The following SNRK variants were observed in gnomAD, a reference collection of about 807,000 sequenced individuals.
The protein encoded by SNRK is SNF related kinase, also known as SNF-related serine/threonine-protein kinase.
In SNRK, 3 loss-of-function variants were observed where a neutral mutation model predicts 48.2. The ratio of observed to expected loss-of-function variants is 0.06; its 90% CI spans 0.03 to 0.16. SNRK has a LOEUF of 0.16. SNRK is among the 10% of genes least tolerant of loss of function. SNRK has a pLI of 1.00. For missense variants in SNRK, 627 were observed against 976.0 expected (o/e 0.64, Z 4.76); for synonymous variants, 376 against 366.1 (o/e 1.03, Z -0.31).
At chr3:43,326,719 C>A (rs2091099426) in intron 3 of SNRK, among the ~76,000 whole-genome samples, 2 of 152,076 alleles carry the variant, frequency 1.3e-5, no homozygotes, top group South Asian at 4.1e-4. Context: ...TAAGTTTAGA[C>A]TGTACCCACC....
At position 43,348,465 on chromosome 3, in the gene SNRK, T is replaced by C; in HGVS notation, c.2206T>C (p.Cys736Arg). The C allele has an allele frequency of 6.2e-7, 1 of 1,608,740 alleles. No individual in the cohort carries two copies. Among genetic ancestry groups the C allele is most frequent in the Non-Finnish European group, 8.5e-7 (1 of 1,177,654 alleles). The change falls in exon 7 of 7, where the codon TGC becomes CGC. Residue 736 changes from cysteine to arginine, a missense_variant. Transcript: ENST00000296088. ...AAATAACGTGCTGCAGCTACCTCTG[T>C]GCGAAAAGACCATCTCTGTGAACAT... ...LKNNVLQLPL[C>R]EKTISVNIQR...
At position 43,296,196 on chromosome 3, in the gene SNRK, G is replaced by T. The variant is rs577438693; in HGVS notation, c.-168-3558G>T. On this transcript the variant is annotated intron_variant, in intron 1 of 6. Coordinates refer to ENST00000296088, the MANE Select transcript of SNRK (RefSeq NM_017719.5). ...AAAATTTTAGCAGTAAAATCAGGTT[G>T]GTAATATCATTGAGAGAGTGTTAAT... Among the ~76,000 whole-genome samples, 4 of 151,836 alleles carry T rather than the reference G, an allele frequency of 2.6e-5. No homozygotes were observed. The East Asian group carries it at 7.7e-4, about 29-fold the overall frequency.
Position 43,350,944 on chromosome 3 carries a change from A to G in SNRK, c.*2387A>G, listed in dbSNP as rs1431817530. ...CAATCTTGACACCAATTTTAAGAAT[A>G]GCTGTGAGACCGAATTAAAGATAAT... On this transcript the variant is annotated 3_prime_UTR_variant, in exon 7 of 7. Coordinates refer to ENST00000296088, the MANE Select transcript of SNRK (RefSeq NM_017719.5). 2 of 152,788 alleles carry G rather than the reference A, an allele frequency of 1.3e-5. No homozygotes were observed. The highest frequency in any genetic ancestry group is 4.8e-5 in the African/African-American group (2 of 41,590). The allele number at this position is 152,788 out of a possible 1,614,324, so 9.5% of individuals were successfully genotyped here. A position where few individuals can be genotyped will look rare whatever the true frequency, so the allele number is the denominator to read the frequency against.
chr3:43,318,224 G>A (rs1219409452), intron 3 of SNRK, among the ~76,000 whole-genome samples: 1 of 152,102 alleles, frequency 6.6e-6, no homozygotes, highest in Non-Finnish European at 1.5e-5. Flanking sequence ...GGGCAGGCCT[G>A]GGACCTTTGC....
At chr3:43,345,208 G>C (rs2091266584) in intron 6 of SNRK, among the ~76,000 whole-genome samples, 1 of 152,198 alleles carries the variant, frequency 6.6e-6, no homozygotes. Context: ...CTATGGCACA[G>C]GGCCCACTGG....
Position 43,347,624 on chromosome 3 carries a change from C to T in SNRK, c.1365C>T (p.Asp455=). The change falls in exon 7 of 7, where the codon GAC becomes GAT. Residue 455 remains aspartate, a synonymous_variant. Transcript: ENST00000296088. This position sits in a 1 kb window ranked among gnomAD's most constrained non-coding sequence, Gnocchi z 5.4. The stretch of plus-strand genomic sequence containing the variant: ...AAGATGAAGAGGAAGATGAGGAGGA[C>T]AAGAAACCCATGTCCCTCTCAACAC... The part of the protein sequence containing the change: ...VEEDEEEDEE[D]KKPMSLSTQV... 3 of 1,613,920 alleles carry T rather than the reference C, an allele frequency of 1.9e-6. No individual in the cohort carries two copies. Among genetic ancestry groups the T allele is most frequent in the Non-Finnish European group, 2.5e-6 (3 of 1,180,024 alleles).
Position 43,348,304 on chromosome 3 carries a change from A to C in SNRK, c.2045A>C (p.Lys682Thr), listed in dbSNP as rs909657099. 1.2e-5 allele frequency: 19 copies of C among 1,613,920 alleles called. No individual in the cohort carries two copies. The highest frequency in any genetic ancestry group is 1.5e-5 in the Non-Finnish European group (18 of 1,179,896). Residue 682 changes from lysine to threonine, a missense_variant, in exon 7 of 7, where the codon AAA (lysine) becomes ACA (threonine). Around this residue, in one of 4 missense-constraint regions of SNRK, gnomAD observed 207 missense variants for 234.3 expected, o/e 0.88. Coordinates refer to ENST00000296088, the MANE Select transcript of SNRK (RefSeq NM_017719.5). ...TTTTCCAGTGTGAAAGTCCAAGAGA[A>C]ATCTACGTGGAAAATGTGCATTAGC... Reference protein sequence around the residue: ...LSFSSVKVQEKSTWKMCISST... With the variant: ...LSFSSVKVQETSTWKMCISST...
At position 43,348,411 on chromosome 3, in the gene SNRK, T is replaced by C; in HGVS notation, c.2152T>C (p.Leu718=). 6.2e-7 allele frequency: 1 copy of C among 1,612,166 alleles called. No homozygotes were observed. Among genetic ancestry groups the C allele is most frequent in the Non-Finnish European group, 8.5e-7 (1 of 1,179,124 alleles). ...SDHMADTTTE[L]ERIKSKNLKN... is the part of the protein sequence containing the mutation. The stretch of plus-strand genomic sequence containing the variant: ...CCACATGGCAGATACCACCACTGAA[T>C]TGGAACGGATAAAGAGCAAGAACCT... Residue 718 remains leucine, a synonymous_variant, in exon 7 of 7, where the codon TTG becomes CTG. Coordinates refer to ENST00000296088, the MANE Select transcript of SNRK (RefSeq NM_017719.5).
chr3:43,341,460 G>C (rs540237229), intron 5 of SNRK, among the ~76,000 whole-genome samples: 3 of 152,290 alleles, frequency 2.0e-5, no homozygotes, highest in Non-Finnish European at 4.4e-5. Context: ...CCCAAAGCCA[G>C]ATTTTAATAA....
At chr3:43,333,196 C>G (rs2091159922) in intron 4 of SNRK, 1 of 151,426 alleles carries the variant, frequency 6.6e-6, no homozygotes, top group South Asian at 2.1e-4. Flanking sequence ...ATGGTGAAAC[C>G]CCGTCTCTAC....
intron 3 of SNRK, among the ~76,000 whole-genome samples, chr3:43,330,670 G>C (rs1457950482): frequency 6.6e-6 from 1 of 152,174 alleles, no homozygotes; most frequent in Non-Finnish European, 1.5e-5. Context: ...TGGCTCTCTG[G>C]ATTCCAAAGT....
chr3:43,330,023 T>C (rs1003167745), intron 3 of SNRK, among the ~76,000 whole-genome samples: 1 of 152,164 alleles, frequency 6.6e-6, no homozygotes, highest in African/African-American at 2.4e-5. Context: ...TATGAGATAG[T>C]AGTGGAAATA....
intron 3 of SNRK, among the ~76,000 whole-genome samples, chr3:43,325,980 G>A (rs1217187336): frequency 2.0e-5 from 3 of 152,046 alleles, no homozygotes; most frequent in African/African-American, 7.2e-5. Context: ...GTTTTCATTT[G>A]TACTTTTCCT....
intron 1 of SNRK, among the ~76,000 whole-genome samples, chr3:43,291,515 G>A (rs897846872): frequency 1.3e-5 from 2 of 152,170 alleles, no homozygotes; most frequent in Admixed American, 1.3e-4. Context: ...TAATCTCATG[G>A]GAGGGAGGCC....
chr3:43,323,850 C>T (rs931564761), intron 3 of SNRK, among the ~76,000 whole-genome samples: 1 of 152,124 alleles, frequency 6.6e-6, no homozygotes, highest in African/African-American at 2.4e-5. Context: ...AAAACAGAGA[C>T]TACGTACTCT....
At chr3:43,338,729 CTG>C (rs1350334750) in intron 4 of SNRK, among the ~76,000 whole-genome samples, 19 of 144,296 alleles carry the variant, frequency 1.3e-4, no homozygotes, top group Admixed American at 8.8e-4. Context: ...TACATTAATT[CTG>C]TGTCTTTTTA....
intron 1 of SNRK, among the ~76,000 whole-genome samples, chr3:43,293,137 C>T (rs1243694578): frequency 1.3e-5 from 2 of 152,018 alleles, no homozygotes; most frequent in Admixed American, 6.6e-5. Context: ...CAGGCTCTTG[C>T]TTTGTCTCCC....
At chr3:43,326,450 G>T (rs979935512) in intron 3 of SNRK, among the ~76,000 whole-genome samples, 2 of 147,490 alleles carry the variant, frequency 1.4e-5, no homozygotes, top group African/African-American at 5.0e-5. Flanking sequence ...GTGTAGACTA[G>T]GGCCTGCTCA....
chr3:43,327,992 T>G (rs2125636536), intron 3 of SNRK, among the ~76,000 whole-genome samples: 1 of 152,142 alleles, frequency 6.6e-6, no homozygotes, highest in East Asian at 1.9e-4. Flanking sequence ...TTACATTTAT[T>G]AAATATTTCC....
Sources: gnomAD v4.1 joint callset for allele counts (sites outside exome capture counted in the v4.1 genomes callset) on GRCh38, gnomAD v4.1.1 for gene constraint, gnomAD v4.1.1 regional missense constraint, Gnocchi (gnomAD v3.1) non-coding constraint, MANE v1.5 for transcripts, NCBI Gene and HGNC (gene_info 2026-07-23, HGNC 2026-07-21) for gene names.